Variants in VAPB observed in about 807,000 individuals in gnomAD.
VAPB encodes VAMP associated protein B and C, also known as vesicle-associated membrane protein-associated protein B/C.
VAPB carries 7 observed loss-of-function variants against 25.6 expected under a neutral mutation model. That is an observed-to-expected ratio of 0.27 (90% CI 0.16 to 0.51). The LOEUF (loss-of-function observed/expected upper bound fraction) is 0.51, where lower values mean the gene tolerates loss of function less well. Among genes scored for constraint, VAPB ranks in the 20% least tolerant of loss-of-function variants. VAPB has a pLI of 0.97. For synonymous variants in VAPB, 112 were observed against 109.2 expected (o/e 1.03, Z -0.16); for missense variants, 266 against 301.3 (o/e 0.88, Z 0.87).
rs1362481419 is a variant in VAPB, at chr20:58,450,360, T to C, written c.*6125T>C. 6 of 454,016 alleles carry C rather than the reference T, an allele frequency of 1.3e-5. No individual in the cohort carries two copies. Among genetic ancestry groups the C allele is most frequent in the Admixed American group, 4.7e-5 (2 of 42,560 alleles). The allele number at this position is 454,016 out of a possible 1,614,324, so 28.1% of individuals were successfully genotyped here. A position where few individuals can be genotyped will look rare whatever the true frequency, so the allele number is the denominator to read the frequency against. On this transcript the variant is annotated 3_prime_UTR_variant, in exon 6 of 6. Coordinates refer to ENST00000475243, the MANE Select transcript of VAPB (RefSeq NM_004738.5). ...CGTTTCGTAAGTACCCTCTGTCTGT[T>C]TGCTACTATATGAGGTGCTGCGAAA... is the stretch of plus-strand genomic sequence containing the variant.
In VAPB at chr20:58,444,859, C is replaced by T. The variant is rs551924874; in HGVS notation, c.*624C>T. 4.4e-5 allele frequency: 20 copies of T among 454,566 alleles called. No homozygotes were observed. In the East Asian group the frequency reaches 1.1e-3, roughly 25 times the overall value. The allele number at this position is 454,566 out of a possible 1,614,324, so 28.2% of individuals were successfully genotyped here. On this transcript the variant is annotated 3_prime_UTR_variant, in exon 6 of 6. Transcript: ENST00000475243. Reference sequence around the variant, plus strand: ...AGCGCTTTGGAAATAAATGGCAGTGCTTTGTTCACTTAAAGGGACCAAGCT... The same window carrying T: ...AGCGCTTTGGAAATAAATGGCAGTGTTTTGTTCACTTAAAGGGACCAAGCT...
At chr20:58,393,204 A>G (rs981102547) in intron 1 of VAPB, among the ~76,000 whole-genome samples, 1 of 151,866 alleles carries the variant, frequency 6.6e-6, no homozygotes, top group Non-Finnish European at 1.5e-5. Flanking sequence ...TAATTTTTAA[A>G]TTTTTTTGTA....
intron 3 of VAPB, among the ~76,000 whole-genome samples, chr20:58,437,704 C>A (rs575813819): frequency 6.6e-6 from 1 of 152,270 alleles, no homozygotes; most frequent in East Asian, 1.9e-4. Flanking sequence ...CTTCAGTATT[C>A]TTTGCGATTT....
intron 3 of VAPB, among the ~76,000 whole-genome samples, chr20:58,436,673 G>A (rs1005076729): frequency 6.6e-5 from 10 of 152,036 alleles, no homozygotes; most frequent in African/African-American, 2.4e-4. Flanking sequence ...GTGATATACA[G>A]AAAGTTGAAA....
rs1238350246 is a variant in VAPB at position 58,448,012 on chromosome 20, G to T, written c.*3777G>T. 3 of 453,804 alleles carry T rather than the reference G, an allele frequency of 6.6e-6. No homozygotes were observed. In the East Asian group the frequency reaches 2.1e-4, roughly 32 times the overall value. 28.1% of individuals were successfully genotyped at this position (453,804 alleles called of 1,614,324 possible). On this transcript the variant is annotated 3_prime_UTR_variant, in exon 6 of 6. Coordinates refer to ENST00000475243, the MANE Select transcript of VAPB (RefSeq NM_004738.5). ...TGAAGGGCCTCTCGTGGCTTTCCCT[G>T]CCCCCGGCTGTCTGGCCTGAAGAAG...
chr20:58,432,254 A>T (rs1298215652), intron 2 of VAPB: 1 of 152,082 alleles, frequency 6.6e-6, no homozygotes, highest in Non-Finnish European at 1.5e-5. Flanking sequence ...TTTGTATTTC[A>T]TCTAAATAGC....
chr20:58,424,610 T>G (rs1263892439), intron 2 of VAPB, among the ~76,000 whole-genome samples: 1 of 152,170 alleles, frequency 6.6e-6, no homozygotes, highest in East Asian at 1.9e-4. Flanking sequence ...TAGAGGAGAT[T>G]GAAAAGTATG....
chr20:58,408,206 C>T (rs1988279119), intron 1 of VAPB, among the ~76,000 whole-genome samples: 1 of 152,160 alleles, frequency 6.6e-6, no homozygotes, highest in South Asian at 2.1e-4. Context: ...GTGTTGATTT[C>T]TCTTGCTGCA....
In VAPB at chr20:58,444,275, C is replaced by T. The variant is rs769800628; in HGVS notation, c.*40C>T. 3.1e-6 allele frequency: 5 copies of T among 1,613,828 alleles called. No homozygotes were observed. The highest frequency in any genetic ancestry group is 1.6e-4 in the Middle Eastern group (1 of 6,062). On this transcript the variant is annotated 3_prime_UTR_variant, in exon 6 of 6. Coordinates refer to ENST00000475243, the MANE Select transcript of VAPB (RefSeq NM_004738.5). ...GGATGGTAAATTGGATTGGTGGATC[C>T]ACCATATCATGGGATTTAAATTTAT...
At chr20:58,401,741 A>G (rs1241075059) in intron 1 of VAPB, among the ~76,000 whole-genome samples, 2 of 152,094 alleles carry the variant, frequency 1.3e-5, no homozygotes, top group African/African-American at 4.8e-5. Context: ...CTTCGCTTCT[A>G]ACGTCACTTA....
chr20:58,395,565 G>A (rs1987936973), intron 1 of VAPB, among the ~76,000 whole-genome samples: 1 of 152,190 alleles, frequency 6.6e-6, no homozygotes, highest in Admixed American at 6.5e-5. Flanking sequence ...AATACAAAGA[G>A]TGCTGAGTTC....
chr20:58,439,470 A>G, intron 4 of VAPB: 1 of 202,520 alleles, frequency 4.9e-6, no homozygotes, highest in Non-Finnish European at 1.0e-5. Context: ...CTTCAATCAA[A>G]GGCTGCTTTT....
chr20:58,420,076 C>G (rs1312180880), intron 2 of VAPB, among the ~76,000 whole-genome samples: 1 of 152,148 alleles, frequency 6.6e-6, no homozygotes, highest in African/African-American at 2.4e-5. Context: ...ACCTCCACCT[C>G]CCAGATTCAA....
intron 1 of VAPB, among the ~76,000 whole-genome samples, chr20:58,410,486 C>T (rs755231089): frequency 2.0e-5 from 3 of 152,182 alleles, no homozygotes; most frequent in African/African-American, 4.8e-5. Context: ...GAGCGATCTT[C>T]GCTCACTGTA....
At chr20:58,432,794 T>C (rs901881785) in intron 2 of VAPB, among the ~76,000 whole-genome samples, 1 of 152,244 alleles carries the variant, frequency 6.6e-6, no homozygotes, top group Non-Finnish European at 1.5e-5. Flanking sequence ...TGAGGTTAAG[T>C]GTCAAGCCCA....
intron 1 of VAPB, among the ~76,000 whole-genome samples, chr20:58,404,398 C>G (rs936852469): frequency 1.3e-5 from 2 of 152,180 alleles, no homozygotes; most frequent in Non-Finnish European, 2.9e-5. Flanking sequence ...CCCTACAGCT[C>G]AAAGTGTACT....
chr20:58,443,576 C>T (rs1989209543), intron 5 of VAPB, among the ~76,000 whole-genome samples: 1 of 151,736 alleles, frequency 6.6e-6, no homozygotes, highest in African/African-American at 2.4e-5. Flanking sequence ...GCATGAGCCA[C>T]CGTGCCCAGT....
chr20:58,449,988 A>G lies in VAPB; in HGVS notation c.*5753A>G, dbSNP rs1989401194. The G allele has an allele frequency of 2.2e-6, 1 of 453,932 alleles. No homozygotes were observed. The highest frequency in any genetic ancestry group is 4.4e-6 in the Non-Finnish European group (1 of 226,780). The allele number at this position is 453,932 out of a possible 1,614,324, so 28.1% of individuals were successfully genotyped here. A position where few individuals can be genotyped will look rare whatever the true frequency, so the allele number is the denominator to read the frequency against. On this transcript the variant is annotated 3_prime_UTR_variant, in exon 6 of 6. Transcript: ENST00000475243. ...TAAGGGAGACTAATCAGATATCTTA[A>G]CACAATTTCATCCAGGCTTAGTGCT...
intron 5 of VAPB, among the ~76,000 whole-genome samples, chr20:58,441,754 T>G (rs1326400534): frequency 6.6e-6 from 1 of 152,208 alleles, no homozygotes; most frequent in Non-Finnish European, 1.5e-5. Flanking sequence ...TTAAACCACT[T>G]GGGTGAGAAT....
Sources: allele counts gnomAD v4.1 joint callset (sites outside exome capture counted in the v4.1 genomes callset), GRCh38; gene constraint gnomAD v4.1.1; transcripts MANE v1.5; gene names NCBI Gene and HGNC (gene_info 2026-07-23, HGNC 2026-07-21).